The following PLXDC2 variants were observed in gnomAD, a reference collection of about 807,000 sequenced individuals.
PLXDC2 encodes plexin domain-containing protein 2.
In PLXDC2, 40 loss-of-function variants were observed where a neutral mutation model predicts 68.9. That is an observed-to-expected ratio of 0.58 (90% CI 0.45 to 0.76). The LOEUF (loss-of-function observed/expected upper bound fraction) is 0.76. Among genes scored for constraint, PLXDC2 ranks in the 30% least tolerant of loss-of-function variants. The pLI is 0.00. For synonymous variants in PLXDC2, 243 were observed against 234.2 expected (o/e 1.04, Z -0.34); for missense variants, 644 against 661.9 (o/e 0.97, Z 0.30).
intron 1 of PLXDC2, among the ~76,000 whole-genome samples, chr10:19,930,895 C>T (rs1023279200): frequency 6.6e-6 from 1 of 151,902 alleles, no homozygotes; most frequent in South Asian, 2.1e-4. Flanking sequence ...ACCCAGAAGG[C>T]AGAGGTTGCA....
intron 7 of PLXDC2, among the ~76,000 whole-genome samples, chr10:20,167,999 A>AT (rs1469354298): frequency 1.3e-5 from 2 of 152,172 alleles, no homozygotes; most frequent in Admixed American, 1.3e-4. Context: ...AGCATGATTA[A>AT]TTAAAGTAGC....
intron 1 of PLXDC2, among the ~76,000 whole-genome samples, chr10:19,901,111 A>T (rs1838152461): frequency 6.6e-6 from 1 of 151,796 alleles, no homozygotes; most frequent in African/African-American, 2.4e-5. Context: ...TATTTTTGCA[A>T]TTGCAAATTG....
intron 1 of PLXDC2, 37 bp downstream of exon 1, chr10:19,817,228 G>A (rs926564789): frequency 6.7e-7 from 1 of 1,498,944 alleles, no homozygotes; most frequent in Non-Finnish European, 9.1e-7. Flanking sequence ...GATTTTGTGC[G>A]CAGCTGAAGA....
chr10:20,257,042 G>A (rs11011915), intron 13 of PLXDC2, among the ~76,000 whole-genome samples: 37,189 of 151,934 alleles, frequency 0.24, 4,724 homozygotes, highest in African/African-American at 0.3. Context: ...TTAGACCAAG[G>A]TAGGTGACTT....
chr10:20,279,638 A>T, intron 13 of PLXDC2, 65 bp from the exon 14 acceptor site: 2 of 1,233,448 alleles, frequency 1.6e-6, no homozygotes, highest in Admixed American at 1.8e-5. Flanking sequence ...GCTAGCAAAT[A>T]GATTTTTCTG....
At chr10:19,942,416 G>T (rs941612955) in intron 1 of PLXDC2, among the ~76,000 whole-genome samples, 67 of 152,078 alleles carry the variant, frequency 4.4e-4, no homozygotes, top group African/African-American at 1.5e-3. Context: ...CTTATGATAG[G>T]CAAGTTCTGT....
chr10:20,002,168 T>C (rs1372710813), intron 2 of PLXDC2, among the ~76,000 whole-genome samples, 182 bp downstream of exon 2: 2 of 152,178 alleles, frequency 1.3e-5, no homozygotes, highest in Non-Finnish European at 2.9e-5. Context: ...CATTAATTCA[T>C]TTACAGACAA....
In PLXDC2 at chr10:20,177,405, C is replaced by A; in HGVS notation, c.1057C>A (p.Gln353Lys). Residue 353 changes from glutamine to lysine, a missense_variant, in exon 9 of 14, where the codon CAA becomes AAA. Coordinates refer to ENST00000377252, the MANE Select transcript of PLXDC2 (RefSeq NM_032812.9). ...CAACTGCAGTTGGTGTAGTAAACTT[C>A]AAAGGTAAAAATATAATAATAAGAA... ...GFNCSWCSKL[Q>K]RCSSGFDRHR... The A allele has an allele frequency of 6.7e-7, 1 of 1,502,178 alleles. No individual in the cohort carries two copies. Among genetic ancestry groups the A allele is most frequent in the Non-Finnish European group, 9.2e-7 (1 of 1,090,102 alleles). The allele number at this position is 1,502,178 out of a possible 1,614,324, so 93.1% of individuals were successfully genotyped here. A position where few individuals can be genotyped will look rare whatever the true frequency, so the allele number is the denominator to read the frequency against.
chr10:20,122,302 GGAGT>G (rs1471711880), intron 4 of PLXDC2, among the ~76,000 whole-genome samples: 1 of 152,130 alleles, frequency 6.6e-6, no homozygotes, highest in Non-Finnish European at 1.5e-5. Context: ...AAGGTAATGC[GGAGT>G]GAGTAGCCTC....
At chr10:20,129,064 T>C (rs1489872946) in intron 4 of PLXDC2, among the ~76,000 whole-genome samples, 1 of 152,180 alleles carries the variant, frequency 6.6e-6, no homozygotes, top group African/African-American at 2.4e-5. Flanking sequence ...CTCTGCGTTA[T>C]TTCCATAATG....
chr10:19,896,684 A>G (rs576894095), intron 1 of PLXDC2, among the ~76,000 whole-genome samples: 12 of 152,232 alleles, frequency 7.9e-5, no homozygotes, highest in African/African-American at 2.9e-4. Flanking sequence ...AATAACACTT[A>G]TGATTGAGGA....
chr10:20,157,528 G>T (rs1431883715), intron 6 of PLXDC2, among the ~76,000 whole-genome samples: 1 of 152,178 alleles, frequency 6.6e-6, no homozygotes, highest in Non-Finnish European at 1.5e-5. Context: ...TTATCTCCCT[G>T]GTTTAGAGAC....
intron 10 of PLXDC2, among the ~76,000 whole-genome samples, chr10:20,212,635 C>A (rs1005484368): frequency 1.2e-4 from 18 of 152,072 alleles, no homozygotes; most frequent in Non-Finnish European, 1.5e-5. Flanking sequence ...ACTATTTGTT[C>A]AATGGTTACT....
chr10:20,044,074 C>T (rs145195811), intron 2 of PLXDC2, among the ~76,000 whole-genome samples: 26 of 80,216 alleles, frequency 3.2e-4, no homozygotes, highest in Admixed American at 2.1e-3. Context: ...GATAGACTTG[C>T]GCAGGGATCT....
At chr10:19,957,864 G>T (rs1001232119) in intron 1 of PLXDC2, among the ~76,000 whole-genome samples, 3 of 152,094 alleles carry the variant, frequency 2.0e-5, no homozygotes, top group Non-Finnish European at 2.9e-5. Flanking sequence ...TGCAATGAAA[G>T]TTACTGGGAC....
chr10:20,087,939 C>T (rs1326038949), intron 4 of PLXDC2, among the ~76,000 whole-genome samples: 7 of 152,158 alleles, frequency 4.6e-5, no homozygotes. Context: ...CATTTGGTCA[C>T]ACTGCCATCT....
intron 1 of PLXDC2, among the ~76,000 whole-genome samples, chr10:19,955,018 G>A (rs1834045267): frequency 6.6e-6 from 1 of 151,038 alleles, no homozygotes; most frequent in South Asian, 2.1e-4. Context: ...TCCAGATTGG[G>A]CTCTAGTTGG....
chr10:20,001,424 A>G (rs1486379366), intron 1 of PLXDC2, among the ~76,000 whole-genome samples: 1 of 152,216 alleles, frequency 6.6e-6, no homozygotes, highest in African/African-American at 2.4e-5. Context: ...TTTTGTTTGG[A>G]TTCTAGCTTG....
At chr10:19,848,310 T>G (rs1371626681) in intron 1 of PLXDC2, among the ~76,000 whole-genome samples, 1 of 152,126 alleles carries the variant, frequency 6.6e-6, no homozygotes, top group Non-Finnish European at 1.5e-5. Flanking sequence ...TTTGCCTCAG[T>G]TTTTGTTGTC....
Sources: allele counts gnomAD v4.1 joint callset (sites outside exome capture counted in the v4.1 genomes callset), GRCh38; gene constraint gnomAD v4.1.1; transcripts MANE v1.5; gene names NCBI Gene and HGNC (gene_info 2026-07-23, HGNC 2026-07-21).